DCAF8L2: variants seen among roughly 807,000 people sequenced by gnomAD.
DCAF8L2 encodes DDB1- and CUL4-associated factor 8-like protein 2.
For synonymous variants in DCAF8L2, 200 were observed against 190.9 expected (o/e 1.05, Z -0.39); for missense variants, 430 against 490.7 (o/e 0.88, Z 1.17).
At chrX:27,704,154 G>GTATATATATATATATATATATATATATA (rs34605340) in intron 3 of DCAF8L2, among the ~76,000 whole-genome samples, 13 of 76,161 alleles carry the variant, frequency 1.7e-4, no homozygotes, top group African/African-American at 8.0e-4. Flanking sequence ...TAGTGCTGCA[G>GTATATATATATATATATATATATATATA]TATATATATA....
At chrX:27,648,043 A>G (rs754791655) in intron 2 of DCAF8L2, among the ~76,000 whole-genome samples, 1 of 111,556 alleles carries the variant, frequency 9.0e-6, no homozygotes, top group East Asian at 2.8e-4. Context: ...GTAATGGCAA[A>G]AAAGAATTCA....
the DCAF8L2 span, among the ~76,000 whole-genome samples, chrX:27,485,560 T>C: frequency 2.7e-5 from 3 of 111,973 alleles, no homozygotes; most frequent in Admixed American, 1.9e-4. Context: ...CTCATTATTC[T>C]ATAGTATGAT....
intron 1 of DCAF8L2, among the ~76,000 whole-genome samples, chrX:27,604,778 C>A (rs1205585115): frequency 1.8e-5 from 2 of 111,672 alleles, no homozygotes; most frequent in South Asian, 7.4e-4. Context: ...CAGCATATTA[C>A]ATGGCTGGTA....
the DCAF8L2 span, among the ~76,000 whole-genome samples, chrX:27,543,460 A>G: frequency 1.8e-5 from 2 of 111,281 alleles, no homozygotes; most frequent in Non-Finnish European, 3.8e-5. Context: ...CTATTCAGAG[A>G]CTTTTTTGAT....
At chrX:27,477,566 C>T in the DCAF8L2 span, among the ~76,000 whole-genome samples, 1 of 111,864 alleles carries the variant, frequency 8.9e-6, no homozygotes, top group Non-Finnish European at 1.9e-5. Flanking sequence ...GGATTACAGG[C>T]GTGAGCCACT....
At chrX:27,546,483 C>G in the DCAF8L2 span, among the ~76,000 whole-genome samples, 165 of 112,218 alleles carry the variant, frequency 1.5e-3, no homozygotes, top group Non-Finnish European at 2.7e-3. Flanking sequence ...AGTGGGGACT[C>G]TGTGTGGGGG....
the DCAF8L2 span, among the ~76,000 whole-genome samples, chrX:27,555,822 A>C: frequency 9.0e-6 from 1 of 111,444 alleles, no homozygotes; most frequent in South Asian, 3.8e-4. Flanking sequence ...CACAGTGTGC[A>C]GTCCCTAGGT....
the DCAF8L2 span, among the ~76,000 whole-genome samples, chrX:27,498,889 C>T: frequency 7.2e-5 from 8 of 111,841 alleles, no homozygotes; most frequent in Non-Finnish European, 1.5e-4. Context: ...ATTTCATTCT[C>T]TTTAGGCTGA....
At chrX:27,519,444 A>G in the DCAF8L2 span, 2 of 1,121,148 alleles carry the variant, frequency 1.8e-6, no homozygotes, top group Non-Finnish European at 2.5e-6. Context: ...TTGCACTTCT[A>G]GAAGAAGCCA....
At chrX:27,711,729 G>T (rs111239860) in intron 3 of DCAF8L2, among the ~76,000 whole-genome samples, 5,785 of 110,105 alleles carry the variant, frequency 0.053, 368 homozygotes, top group African/African-American at 0.18. Context: ...ATAAAATGAG[G>T]TGAAAAGTGT....
intron 3 of DCAF8L2, among the ~76,000 whole-genome samples, chrX:27,712,069 A>G (rs1386911912): frequency 9.1e-6 from 1 of 110,149 alleles, no homozygotes; most frequent in Non-Finnish European, 1.9e-5. Context: ...AGATATTGGG[A>G]TTTTCTTTCT....
the DCAF8L2 span, among the ~76,000 whole-genome samples, chrX:27,581,713 G>C: frequency 1.2e-4 from 13 of 109,545 alleles, no homozygotes; most frequent in African/African-American, 4.0e-4. Flanking sequence ...CTTGGGAGTA[G>C]CTAAGACTAC....
chrX:27,747,087 C>A lies in DCAF8L2; in HGVS notation c.192C>A (p.Asn64Lys). ...ATAGCAGGGATGGTGGATTCCCCAA[C>A]GATGCCAGCACAGAAAATCGAAGCT... ...GSDSRDGGFP[N>K]DASTENRSSD... The change falls in exon 5 of 5, where the codon AAC (asparagine) becomes AAA (lysine). Residue 64 changes from asparagine (N) to lysine (K), a missense_variant. Physicochemically the swap from Asn to Lys is moderately conservative, Grantham distance 94 (BLOSUM62 0). Coordinates refer to ENST00000451261, the MANE Select transcript of DCAF8L2 (RefSeq NM_001353450.2). 6.0e-6 allele frequency: 7 copies of A among 1,168,084 alleles called. No individual in the cohort carries two copies. Among genetic ancestry groups the A allele is most frequent in the Non-Finnish European group, 6.9e-6 (6 of 873,075 alleles).
At chrX:27,587,984 AAATATATATAT>A (rs764279572), upstream of DCAF8L2, among the ~76,000 whole-genome samples, 118 of 65,167 alleles carry the variant, frequency 1.8e-3, 1 homozygote, top group Admixed American at 3.1e-3. Context: ...TTAAAAAAAA[AAATATATATAT>A]ATATATATAT....
intron 3 of DCAF8L2, among the ~76,000 whole-genome samples, chrX:27,697,825 T>A (rs2147263387): frequency 9.3e-6 from 1 of 107,904 alleles, no homozygotes; most frequent in South Asian, 4.1e-4. Flanking sequence ...TTTAATACAA[T>A]TAAGGAAACA....
At chrX:27,671,062 G>T (rs1026706234) in intron 2 of DCAF8L2, among the ~76,000 whole-genome samples, 2 of 111,637 alleles carry the variant, frequency 1.8e-5, no homozygotes, top group Non-Finnish European at 3.8e-5. Flanking sequence ...TGGGGAGGGG[G>T]TGGTATGAGG....
intron 2 of DCAF8L2, among the ~76,000 whole-genome samples, chrX:27,650,043 T>A (rs1320923796): frequency 8.9e-6 from 1 of 111,812 alleles, no homozygotes; most frequent in African/African-American, 3.3e-5. Context: ...GCACCATTTA[T>A]GGAATAGAGA....
chrX:27,567,861 A>C, the DCAF8L2 span, among the ~76,000 whole-genome samples: 3 of 109,919 alleles, frequency 2.7e-5, no homozygotes, highest in African/African-American at 9.9e-5. Flanking sequence ...TAAGTATTAA[A>C]ACAGAAGGAA....
the DCAF8L2 span, among the ~76,000 whole-genome samples, chrX:27,495,156 G>A: frequency 2.7e-5 from 3 of 111,553 alleles, no homozygotes; most frequent in Non-Finnish European, 3.8e-5. Flanking sequence ...ATCATTTGTG[G>A]AAGAGATTAA....
Sources: gnomAD v4.1 joint callset for allele counts (sites outside exome capture counted in the v4.1 genomes callset) on GRCh38, gnomAD v4.1.1 for gene constraint, MANE v1.5 for transcripts, NCBI Gene and HGNC (gene_info 2026-07-23, HGNC 2026-07-21) for gene names.